The following ZNF503 variants were observed in gnomAD, a reference collection of about 807,000 sequenced individuals.
ZNF503 encodes the protein NocA-like zinc finger 2.
Under a neutral mutation model 34.4 loss-of-function variants are expected in ZNF503, and 15 were observed. The ratio of observed to expected loss-of-function variants is 0.44; its 90% CI spans 0.29 to 0.67. The LOEUF is 0.67. Among genes scored for constraint, ZNF503 ranks in the 30% least tolerant of loss-of-function variants. The pLI is 0.13. For synonymous variants in ZNF503, 580 were observed against 456.8 expected (o/e 1.27, Z -3.44); for missense variants, 1,007 against 926.8 (o/e 1.09, Z -1.12).
the ZNF503 span, among the ~76,000 whole-genome samples, chr10:75,340,645 C>T: frequency 6.6e-6 from 1 of 152,080 alleles, no homozygotes; most frequent in South Asian, 2.1e-4. Context: ...GTTGCCCAGG[C>T]TGGAGTGCAA....
At chr10:75,332,316 G>T in the ZNF503 span, among the ~76,000 whole-genome samples, 11 of 151,454 alleles carry the variant, frequency 7.3e-5, no homozygotes, top group South Asian at 6.3e-4. Flanking sequence ...CTTTAATTTT[G>T]TTTTCTTTTT....
At chr10:75,345,905 A>C in the ZNF503 span, among the ~76,000 whole-genome samples, 1 of 152,186 alleles carries the variant, frequency 6.6e-6, no homozygotes, top group Non-Finnish European at 1.5e-5. Context: ...GGGCTCCACT[A>C]TGCTGTGTGC....
the ZNF503 span, among the ~76,000 whole-genome samples, chr10:75,308,632 C>T: frequency 2.6e-5 from 4 of 152,108 alleles, no homozygotes; most frequent in Admixed American, 6.5e-5. Flanking sequence ...AAAATATCAG[C>T]ATTAACAGGA....
chr10:75,284,572 G>T, the ZNF503 span, among the ~76,000 whole-genome samples: 1 of 152,288 alleles, frequency 6.6e-6, no homozygotes, highest in East Asian at 1.9e-4. Context: ...GAATGGTAGT[G>T]GTGGGTCAGG....
the ZNF503 span, among the ~76,000 whole-genome samples, chr10:75,387,526 G>T: frequency 6.6e-6 from 1 of 152,196 alleles, no homozygotes; most frequent in African/African-American, 2.4e-5. Flanking sequence ...TCACTAAATG[G>T]TATCGATAAT....
At chr10:75,295,882 G>GGAGA in the ZNF503 span, among the ~76,000 whole-genome samples, 1 of 152,016 alleles carries the variant, frequency 6.6e-6, no homozygotes, top group Non-Finnish European at 1.5e-5. The surrounding 1 kb of genome is among the most constrained non-coding windows in gnomAD (Gnocchi z 4.0). Context: ...ATGGAAGGGG[G>GGAGA]GAGAGAGAGA....
At chr10:75,300,600 A>C in the ZNF503 span, among the ~76,000 whole-genome samples, 2,787 of 152,196 alleles carry the variant, frequency 0.018, 80 homozygotes, top group African/African-American at 0.064. Flanking sequence ...ATAAATGTCC[A>C]TGAAATCTTC....
chr10:75,400,681 GA>G (rs1416545160), intron 1 of ZNF503, among the ~76,000 whole-genome samples: 1 of 152,168 alleles, frequency 6.6e-6, no homozygotes, highest in Non-Finnish European at 1.5e-5. Flanking sequence ...CCTAGACCCA[GA>G]ACTGTACCCC....
chr10:75,369,888 G>A, the ZNF503 span, among the ~76,000 whole-genome samples: 26 of 152,074 alleles, frequency 1.7e-4, no homozygotes, highest in African/African-American at 5.3e-4. Flanking sequence ...CCAACATGGC[G>A]AAACCTCGTC....
the ZNF503 span, among the ~76,000 whole-genome samples, chr10:75,387,527 T>TATC: frequency 2.6e-5 from 4 of 152,224 alleles, no homozygotes; most frequent in Non-Finnish European, 5.9e-5. Flanking sequence ...CACTAAATGG[T>TATC]ATCGATAATC....
Position 75,398,988 on chromosome 10 carries a change from C to G in ZNF503, c.1702G>C (p.Ala568Pro), listed in dbSNP as rs1312354928. 1.9e-6 allele frequency: 3 copies of G among 1,605,280 alleles called. No homozygotes were observed. Among genetic ancestry groups the G allele is most frequent in the Non-Finnish European group, 2.5e-6 (3 of 1,179,120 alleles). Residue 568 changes from alanine to proline, a missense_variant, in exon 2 of 2, where the codon GCC (alanine) becomes CCC (proline). Ala to Pro is a conservative substitution (Grantham distance 27). Transcript: ENST00000372524. ...SSSLASAAAAAMACHMHIPTS... is the reference protein window; with the variant it reads ...SSSLASAAAAPMACHMHIPTS... ...GGGATGTGCATGTGGCAAGCCATGGCGGCCGCGGCAGCGCTGGCCAGAGAC... is the reference window on the plus strand; with the variant it reads ...GGGATGTGCATGTGGCAAGCCATGGGGGCCGCGGCAGCGCTGGCCAGAGAC...
chr10:75,331,602 C>T, the ZNF503 span, among the ~76,000 whole-genome samples: 2 of 152,098 alleles, frequency 1.3e-5, no homozygotes, highest in African/African-American at 2.4e-5. Flanking sequence ...GTGTGTGCCA[C>T]CATGCATGGC....
At chr10:75,321,924 C>A in the ZNF503 span, among the ~76,000 whole-genome samples, 1 of 152,132 alleles carries the variant, frequency 6.6e-6, no homozygotes, top group Admixed American at 6.6e-5. Context: ...ATTTGTATAA[C>A]TAATAACAAG....
chr10:75,357,969 T>G, the ZNF503 span, among the ~76,000 whole-genome samples: 1 of 152,228 alleles, frequency 6.6e-6, no homozygotes, highest in African/African-American at 2.4e-5. Context: ...TGTAAGGCAC[T>G]AGCACAGCCC....
At chr10:75,336,369 A>G in the ZNF503 span, among the ~76,000 whole-genome samples, 1 of 104,888 alleles carries the variant, frequency 9.5e-6, no homozygotes, top group East Asian at 2.3e-4. Context: ...AGACCTATAC[A>G]GAATTGTCAA....
At chr10:75,329,814 G>T in the ZNF503 span, among the ~76,000 whole-genome samples, 45,767 of 152,058 alleles carry the variant, frequency 0.3, 7,435 homozygotes, top group South Asian at 0.41. Flanking sequence ...TGCAAACAGG[G>T]ACAGTTTGAC....
Position 75,400,230 on chromosome 10 carries a change from C to G in ZNF503, c.460G>C (p.Asp154His), listed in dbSNP as rs995166202. 1.3e-5 allele frequency: 21 copies of G among 1,609,506 alleles called. No homozygotes were observed. Among genetic ancestry groups the G allele is most frequent in the Non-Finnish European group, 1.8e-5 (21 of 1,178,778 alleles). Residue 154 changes from aspartate to histidine, a missense_variant, in exon 2 of 2, where the codon GAC becomes CAC. Coordinates refer to ENST00000372524, the MANE Select transcript of ZNF503 (RefSeq NM_032772.6). ...AGGGGGCCCGATTTGGTGTCCTTGT[C>G]GCCCGCAGCACCGCCGCCGGCACCG... ...AGGAGGGAAG[D>H]KDTKSGPLKL...
the ZNF503 span, among the ~76,000 whole-genome samples, chr10:75,369,940 G>T: frequency 6.6e-6 from 1 of 152,088 alleles, no homozygotes; most frequent in Non-Finnish European, 1.5e-5. Context: ...GGTGGTGTGT[G>T]CCTGTAGTTC....
the ZNF503 span, among the ~76,000 whole-genome samples, chr10:75,311,025 T>A: frequency 6.6e-6 from 1 of 152,122 alleles, no homozygotes; most frequent in Admixed American, 6.5e-5. Flanking sequence ...ACAGAACTAA[T>A]AGGATAGATG....
Sources: gnomAD v4.1 joint callset for allele counts (sites outside exome capture counted in the v4.1 genomes callset) on GRCh38, gnomAD v4.1.1 for gene constraint, Gnocchi (gnomAD v3.1) non-coding constraint, MANE v1.5 for transcripts, NCBI Gene and HGNC (gene_info 2026-07-23, HGNC 2026-07-21) for gene names.